The following NCF2 variants were observed in gnomAD, a reference collection of about 807,000 sequenced individuals.
NCF2 encodes the protein neutrophil cytosol factor 2.
A neutral mutation model predicts 70.9 loss-of-function variants in NCF2; 45 were observed. That is an observed-to-expected ratio of 0.63 (90% CI 0.50 to 0.81). The LOEUF (loss-of-function observed/expected upper bound fraction) is 0.81, where lower values mean the gene tolerates loss of function less well. Ranked by LOEUF, NCF2 falls within the 40% of genes least tolerant of loss-of-function variation. NCF2 has a pLI of 0.00. For synonymous variants in NCF2, 203 were observed against 233.6 expected (o/e 0.87, Z 1.19); for missense variants, 522 against 631.6 (o/e 0.83, Z 1.86).
intron 1 of NCF2, among the ~76,000 whole-genome samples, chr1:183,587,536 G>T (rs145099974): frequency 7.0e-6 from 1 of 142,922 alleles, no homozygotes; most frequent in South Asian, 2.2e-4. Context: ...GGAGACTGCC[G>T]TGAGCTGTGA....
intron 2 of NCF2, 28 bp downstream of exon 2, chr1:183,586,867 C>G: frequency 6.2e-7 from 1 of 1,602,966 alleles, no homozygotes; most frequent in Non-Finnish European, 8.5e-7. Flanking sequence ...CTGAAATCCT[C>G]CAGTTGGTGC....
rs911788563 is a variant in NCF2, at chr1:183,556,073, G to GTAAT, written c.*41_*44dup. On this transcript the variant is annotated 3_prime_UTR_variant, in exon 15 of 15. Coordinates refer to ENST00000367535, the MANE Select transcript of NCF2 (RefSeq NM_000433.4). The stretch of plus-strand genomic sequence containing the variant: ...GAAGGGTGCTAAATCTTACAAACAA[G>GTAAT]TAATAGGGCTTCATTTTCTTCAGCT... 1 of 1,503,276 alleles carries GTAAT rather than the reference G, an allele frequency of 6.7e-7. No individual in the cohort carries two copies. The allele number at this position is 1,503,276 out of a possible 1,614,324, so 93.1% of individuals were successfully genotyped here.
intron 7 of NCF2, among the ~76,000 whole-genome samples, chr1:183,568,548 G>A (rs1223239311): frequency 1.3e-5 from 2 of 151,778 alleles, no homozygotes; most frequent in African/African-American, 4.8e-5. Context: ...AAAGCTGTAG[G>A]TTATGTCACC....
At chr1:183,581,656 G>A (rs1673084059) in intron 2 of NCF2, among the ~76,000 whole-genome samples, 1 of 145,760 alleles carries the variant, frequency 6.9e-6, no homozygotes, top group African/African-American at 2.5e-5. Flanking sequence ...AAACGGGGAA[G>A]GGGCATCCTT....
At chr1:183,576,350 T>C (rs1486921794) in intron 3 of NCF2, among the ~76,000 whole-genome samples, 4 of 152,218 alleles carry the variant, frequency 2.6e-5, no homozygotes, top group Non-Finnish European at 4.4e-5. Flanking sequence ...TGCTGTGACA[T>C]AATCCTTTTT....
intron 2 of NCF2, among the ~76,000 whole-genome samples, chr1:183,583,441 A>G (rs966059652): frequency 2.6e-5 from 4 of 152,290 alleles, no homozygotes; most frequent in Non-Finnish European, 5.9e-5. Context: ...TACAGCAGTT[A>G]CCCACTTCTG....
intron 4 of NCF2, 101 bp from the exon 5 acceptor site, chr1:183,573,393 C>G: frequency 2.7e-6 from 3 of 1,108,750 alleles, no homozygotes; most frequent in Non-Finnish European, 4.1e-6. Flanking sequence ...ATTGAGATAA[C>G]CACATAGAAG....
chr1:183,567,087 G>A (rs769429861), intron 8 of NCF2, 99 bp from the exon 9 acceptor site: 57 of 1,605,208 alleles, frequency 3.6e-5, no homozygotes, highest in Non-Finnish European at 3.9e-5. Flanking sequence ...AAGGGATGAC[G>A]AACAGACAAA....
intron 10 of NCF2, among the ~76,000 whole-genome samples, chr1:183,564,240 C>T (rs1672208007): frequency 6.6e-6 from 1 of 152,104 alleles, no homozygotes; most frequent in Admixed American, 6.5e-5. Context: ...CAAACTCAGT[C>T]TCTGCTTCTA....
chr1:183,585,677 C>G (rs1673317503), intron 2 of NCF2, among the ~76,000 whole-genome samples: 1 of 149,650 alleles, frequency 6.7e-6, no homozygotes, highest in Non-Finnish European at 1.5e-5. Flanking sequence ...TTCCCTAGAA[C>G]TGATGCACAC....
intron 1 of NCF2, among the ~76,000 whole-genome samples, chr1:183,587,547 C>T (rs1471623233): frequency 1.5e-5 from 2 of 134,970 alleles, no homozygotes; most frequent in Non-Finnish European, 3.0e-5. Context: ...TGAGCTGTGA[C>T]GGCACCACTG....
In NCF2 at chr1:183,573,044, C is replaced by G. The variant is rs908395248; in HGVS notation, c.609+141G>C. On this transcript the variant is annotated intron_variant, in intron 5 of 14. Transcript: ENST00000367535. Reference sequence around the variant, plus strand: ...GGTTGCCTATCTTTCAGCCAAACCTCTGTCCTATAAACAAGTCTCTCATTG... The same window carrying G: ...GGTTGCCTATCTTTCAGCCAAACCTGTGTCCTATAAACAAGTCTCTCATTG... The G allele has an allele frequency of 1.2e-5, 10 of 811,192 alleles. No individual in the cohort carries two copies. In the East Asian group the frequency reaches 2.4e-4, roughly 20 times the overall value. 50.2% of individuals were successfully genotyped at this position (811,192 alleles called of 1,614,324 possible). A position where few individuals can be genotyped will look rare whatever the true frequency, so the allele number is the denominator to read the frequency against.
At chr1:183,565,510 A>G (rs1361443551) in intron 10 of NCF2, among the ~76,000 whole-genome samples, 194 bp downstream of exon 10, 1 of 152,144 alleles carries the variant, frequency 6.6e-6, no homozygotes, top group African/African-American at 2.4e-5. Context: ...GAAGGCAGGG[A>G]GAGAGGGCAC....
At chr1:183,574,398 C>G (rs1672703053) in intron 4 of NCF2, 89 bp downstream of exon 4, 2 of 1,574,322 alleles carry the variant, frequency 1.3e-6, no homozygotes, top group Admixed American at 1.7e-5. Context: ...GTAAAAGCAC[C>G]ACTTTTATGG....
At chr1:183,568,998 G>T in intron 7 of NCF2, 144 bp downstream of exon 7, 2 of 796,592 alleles carry the variant, frequency 2.5e-6, no homozygotes, top group South Asian at 1.5e-5. Context: ...TTTCTAGCCT[G>T]ACATTCTAGA....
intron 3 of NCF2, among the ~76,000 whole-genome samples, chr1:183,576,033 C>T (rs1216067178): frequency 1.3e-5 from 2 of 152,246 alleles, no homozygotes; most frequent in Non-Finnish European, 2.9e-5. Context: ...ATTTGGTTCT[C>T]AGCCACCTTC....
At chr1:183,599,426 C>CTTTCTTTCT in the NCF2 span, among the ~76,000 whole-genome samples, 4 of 75,482 alleles carry the variant, frequency 5.3e-5, no homozygotes, top group African/African-American at 1.9e-4. Flanking sequence ...TTCTTTCCTT[C>CTTTCTTTCT]TTTCTTTCTT....
chr1:183,582,082 C>A (rs1192718163), intron 2 of NCF2, among the ~76,000 whole-genome samples: 2 of 152,214 alleles, frequency 1.3e-5, no homozygotes, highest in Non-Finnish European at 1.5e-5. Context: ...GAGCTGCAGC[C>A]CTGAAGGGGG....
chr1:183,564,076 A>C, intron 10 of NCF2, 46 bp from the exon 11 acceptor site: 1 of 1,579,836 alleles, frequency 6.3e-7, no homozygotes, highest in South Asian at 1.1e-5. Context: ...ATGGTGAATG[A>C]ACATCCTTGG....
Sources: gnomAD v4.1 joint callset for allele counts (sites outside exome capture counted in the v4.1 genomes callset) on GRCh38, gnomAD v4.1.1 for gene constraint, MANE v1.5 for transcripts, NCBI Gene and HGNC (gene_info 2026-07-23, HGNC 2026-07-21) for gene names.